The following LRRC51 variants were observed in gnomAD, a reference collection of about 807,000 sequenced individuals.
The protein encoded by LRRC51 is leucine-rich repeat-containing protein 51.
In LRRC51, 8 loss-of-function variants were observed where a neutral mutation model predicts 17.8. The observed-to-expected ratio is 0.45, with a 90% CI of 0.26 to 0.81. LRRC51 has a LOEUF of 0.81. Among genes scored for constraint, LRRC51 ranks in the 30% least tolerant of loss-of-function variants. LRRC51 has a pLI of 0.17. For missense variants in LRRC51, 233 were observed against 239.3 expected (o/e 0.97, Z 0.17); for synonymous variants, 92 against 96.0 (o/e 0.96, Z 0.24).
chr11:72,096,650 T>C lies in LRRC51; in HGVS notation c.*1130T>C. ...GCCTTGGGAAATTTATCTAACTCTC[T>C]GGGCCCCTTTGTACTTTTCAGCTTA... On this transcript the variant is annotated 3_prime_UTR_variant, in exon 6 of 6. Transcript: ENST00000289488. 1 of 1,535,260 alleles carries C rather than the reference T, an allele frequency of 6.5e-7. No homozygotes were observed. The highest frequency in any genetic ancestry group is 8.8e-7 in the Non-Finnish European group (1 of 1,140,438).
intron 1 of LRRC51, chr11:72,083,906 G>C (rs1944381734): frequency 1.3e-5 from 2 of 152,270 alleles, no homozygotes; most frequent in Admixed American, 1.3e-4. Flanking sequence ...GATGGTAGTA[G>C]AGGGGGGTGG....
At chr11:72,083,477 C>G (rs1304182239) in intron 1 of LRRC51, among the ~76,000 whole-genome samples, 1 of 152,094 alleles carries the variant, frequency 6.6e-6, no homozygotes. Context: ...TTACAGCAAC[C>G]TCATGGCCCT....
intron 1 of LRRC51, chr11:72,085,372 C>G (rs560325723): frequency 6.8e-6 from 1 of 146,614 alleles, no homozygotes; most frequent in Non-Finnish European, 1.5e-5. Context: ...GTCCATCAAA[C>G]CTTTAGTGAA....
rs777124010 is a variant in LRRC51 at position 72,095,507 on chromosome 11, A to G, written c.566A>G (p.Gln189Arg). 1 of 1,613,956 alleles carries G rather than the reference A, an allele frequency of 6.2e-7. No individual in the cohort carries two copies. The highest frequency in any genetic ancestry group is 2.2e-5 in the East Asian group (1 of 44,870). The change falls in exon 6 of 6, where the codon CAG (glutamine) becomes CGG (arginine). Residue 189 changes from glutamine (Q) to arginine (R), a missense_variant. By Grantham distance (43) the Gln-to-Arg change is conservative. Coordinates refer to ENST00000289488, the MANE Select transcript of LRRC51 (RefSeq NM_145309.6). ...NIKPKKAWTK[Q>R]NTL is the part of the protein sequence containing the mutation. ...AAGCCCAAGAAGGCCTGGACCAAGC[A>G]GAATACACTTTGAGGCTCCCACGAC...
Position 72,096,867 on chromosome 11 carries a change from T to C in LRRC51, c.*1347T>C, listed in dbSNP as rs891246252. On this transcript the variant is annotated 3_prime_UTR_variant, in exon 6 of 6. Coordinates refer to ENST00000289488, the MANE Select transcript of LRRC51 (RefSeq NM_145309.6). ...TGCTGGGATTCTGCTTAAGATTTCA[T>C]TTGATAAAAAGAATCTTCTGCTTAA... 2 of 1,269,486 alleles carry C rather than the reference T, an allele frequency of 1.6e-6. No homozygotes were observed. The highest frequency in any genetic ancestry group is 6.3e-5 in the South Asian group (2 of 31,626). The allele number at this position is 1,269,486 out of a possible 1,614,324, so 78.6% of individuals were successfully genotyped here.
Position 72,096,592 on chromosome 11 carries a change from C to T in LRRC51, c.*1072C>T. The T allele has an allele frequency of 9.6e-6, 14 of 1,456,646 alleles. No individual in the cohort carries two copies. Among genetic ancestry groups the T allele is most frequent in the Admixed American group, 2.6e-5 (1 of 38,294 alleles). The allele number at this position is 1,456,646 out of a possible 1,614,324, so 90.2% of individuals were successfully genotyped here. A position where few individuals can be genotyped will look rare whatever the true frequency, so the allele number is the denominator to read the frequency against. On this transcript the variant is annotated 3_prime_UTR_variant, in exon 6 of 6. Transcript: ENST00000289488. ...GGCAATTGAGGGAAAGGCCTGCTGGCCTGGGACACTGGAGACGTGGGTTTA... is the reference window on the plus strand; with the variant it reads ...GGCAATTGAGGGAAAGGCCTGCTGGTCTGGGACACTGGAGACGTGGGTTTA...
At chr11:72,085,122 T>C (rs1944460794) in intron 1 of LRRC51, among the ~76,000 whole-genome samples, 1 of 152,182 alleles carries the variant, frequency 6.6e-6, no homozygotes, top group South Asian at 2.1e-4. Context: ...AACCCTGTCA[T>C]TCATCAAGTT....
At chr11:72,084,831 T>G (rs1944432075) in intron 1 of LRRC51, among the ~76,000 whole-genome samples, 1 of 94,994 alleles carries the variant, frequency 1.1e-5, no homozygotes, top group African/African-American at 4.2e-5. Flanking sequence ...AGCGAGACCT[T>G]GTCTCAAAAA....
At chr11:72,087,434 C>T (rs775768553) in intron 1 of LRRC51, among the ~76,000 whole-genome samples, 3 of 152,012 alleles carry the variant, frequency 2.0e-5, no homozygotes, top group Non-Finnish European at 2.9e-5. Flanking sequence ...CTCAGCCTCC[C>T]GAGTAATAAA....
chr11:72,090,569 G>A (rs79579495), intron 3 of LRRC51, among the ~76,000 whole-genome samples: 1,710 of 152,238 alleles, frequency 0.011, 34 homozygotes, highest in African/African-American at 0.039. Flanking sequence ...GGCCCAAAAG[G>A]TCAGAGTCCC....
At chr11:72,087,287 C>CTTTT (rs58257513) in intron 1 of LRRC51, among the ~76,000 whole-genome samples, 1 of 107,328 alleles carries the variant, frequency 9.3e-6, no homozygotes, top group African/African-American at 3.5e-5. Context: ...AACAGAAATT[C>CTTTT]TTTTTTTTTT....
At chr11:72,089,402 G>GT (rs747706206) in intron 3 of LRRC51, 117 of 1,433,654 alleles carry the variant, frequency 8.2e-5, no homozygotes, top group Middle Eastern at 1.8e-4. Context: ...GCCCCTGTTT[G>GT]TTTTTTTTAA....
At chr11:72,094,892 CAG>C in intron 4 of LRRC51, 54 bp from the exon 5 acceptor site, 3 of 1,614,182 alleles carry the variant, frequency 1.9e-6, no homozygotes, top group East Asian at 2.2e-5. Flanking sequence ...CAGCCCTGAG[CAG>C]AGATTCAGGG....
intron 1 of LRRC51, among the ~76,000 whole-genome samples, chr11:72,082,035 C>T (rs1051278286): frequency 3.3e-5 from 5 of 152,188 alleles, no homozygotes; most frequent in Non-Finnish European, 7.3e-5. Context: ...TTAGCTTCAG[C>T]CTACTGCCTC....
rs545885523 is a variant in LRRC51 at position 72,093,529 on chromosome 11, G to A, written c.116G>A (p.Arg39Gln). The A allele has an allele frequency of 1.8e-5, 29 of 1,614,024 alleles. No homozygotes were observed. The highest frequency in any genetic ancestry group is 1.7e-4 in the Middle Eastern group (1 of 6,026). Residue 39 changes from arginine to glutamine, a missense_variant, in exon 4 of 6, where the codon CGA becomes CAA. By Grantham distance (43) the Arg-to-Gln change is conservative. Coordinates refer to ENST00000289488, the MANE Select transcript of LRRC51 (RefSeq NM_145309.6). Reference protein sequence around the residue: ...LVNEEPRTGLRPLKRSKSGKS... With the variant: ...LVNEEPRTGLQPLKRSKSGKS... The stretch of plus-strand genomic sequence containing the variant: ...AATGAGGAGCCAAGGACAGGACTAC[G>A]ACCACTGAAGCGTTCAAAGTCGGGG...
intron 1 of LRRC51, chr11:72,086,202 A>G: frequency 1.7e-6 from 1 of 579,170 alleles, no homozygotes; most frequent in Non-Finnish European, 3.1e-6. Flanking sequence ...ACTAGAACTG[A>G]GTGTTGAAAC....
chr11:72,094,920 C>A, intron 4 of LRRC51, 28 bp from the exon 5 acceptor site: 3 of 1,614,156 alleles, frequency 1.9e-6, no homozygotes, highest in Non-Finnish European at 2.5e-6. Flanking sequence ...TCCTGTCTAG[C>A]CTGGCTTTTG....
At chr11:72,088,863 G>A (rs1361211428) in intron 2 of LRRC51, 166 bp from the exon 3 acceptor site, 1 of 702,414 alleles carries the variant, frequency 1.4e-6, no homozygotes, top group Non-Finnish European at 2.3e-6. Flanking sequence ...GAAGTAGAAA[G>A]TGCTCTATAC....
chr11:72,093,444 C>T (rs541843093), intron 3 of LRRC51, 52 bp from the exon 4 acceptor site: 1 of 1,541,010 alleles, frequency 6.5e-7, no homozygotes, highest in South Asian at 1.2e-5. Flanking sequence ...CTTCCCACCC[C>T]CTAAAGCCAA....
Sources: gnomAD v4.1 joint callset for allele counts (sites outside exome capture counted in the v4.1 genomes callset) on GRCh38, gnomAD v4.1.1 for gene constraint, MANE v1.5 for transcripts, NCBI Gene and HGNC (gene_info 2026-07-23, HGNC 2026-07-21) for gene names.